The following HMGB1 variants were observed in gnomAD, a reference collection of about 807,000 sequenced individuals.
The protein encoded by HMGB1 is high mobility group protein B1.
For missense variants in HMGB1, 79 were observed against 253.5 expected (o/e 0.31, Z 4.67); for synonymous variants, 81 against 84.0 (o/e 0.96, Z 0.19).
intron 1 of HMGB1, among the ~76,000 whole-genome samples, chr13:30,573,655 T>C (rs991309272): frequency 2.6e-5 from 4 of 151,172 alleles, no homozygotes; most frequent in African/African-American, 7.3e-5. Flanking sequence ...ATTTTCTTTT[T>C]TTTTTTTTTT....
chr13:30,538,816 CCT>C (rs202163253), intron 1 of HMGB1, among the ~76,000 whole-genome samples: 2,335 of 71,838 alleles, frequency 0.033, 68 homozygotes, highest in African/African-American at 0.11. Context: ...TCTCTCTCCC[CCT>C]TTCTTTCTTT....
intron 1 of HMGB1, among the ~76,000 whole-genome samples, chr13:30,582,574 G>T (rs1043433516): frequency 6.6e-6 from 1 of 151,932 alleles, no homozygotes; most frequent in Non-Finnish European, 1.5e-5. Flanking sequence ...GGAGGTGGAG[G>T]TTGCAGTGAG....
Position 30,488,741 on chromosome 13 carries a change from A to C in HMGB1, c.-14-25047T>G, listed in dbSNP as rs1887422255. ...ACTATGTTGCCCAGGCTGGTTTTGA[A>C]CTCCTGGGCTCAAGAGATCCTCCTG... On this transcript the variant is annotated intron_variant, in intron 1 of 4. Transcript: ENST00000405805. Among the ~76,000 whole-genome samples, 3 of 150,000 alleles carry C rather than the reference A, an allele frequency of 2.0e-5. No individual in the cohort carries two copies. The South Asian group carries it at 6.3e-4, about 31-fold the overall frequency.
chr13:30,475,419 C>T (rs1887072030), intron 1 of HMGB1, among the ~76,000 whole-genome samples: 1 of 151,064 alleles, frequency 6.6e-6, no homozygotes, highest in African/African-American at 2.4e-5. Flanking sequence ...CTCCATGTTG[C>T]CTGGGCTGGT....
chr13:30,492,321 T>G (rs1887514490), intron 1 of HMGB1, among the ~76,000 whole-genome samples: 1 of 150,404 alleles, frequency 6.6e-6, no homozygotes, highest in Non-Finnish European at 1.5e-5. Context: ...CAGCCTCATC[T>G]CAAAAAAAAA....
At chr13:30,520,679 ATC>A (rs1888218344) in intron 1 of HMGB1, among the ~76,000 whole-genome samples, 1 of 152,206 alleles carries the variant, frequency 6.6e-6, no homozygotes, top group African/African-American at 2.4e-5. Flanking sequence ...CTCATTCAGA[ATC>A]TCAGCCTTGT....
intron 1 of HMGB1, among the ~76,000 whole-genome samples, chr13:30,477,728 C>G (rs1887130815): frequency 1.3e-5 from 2 of 152,220 alleles, no homozygotes; most frequent in East Asian, 3.8e-4. Flanking sequence ...CTGAGTGAGG[C>G]TCCCCACCTT....
upstream of HMGB1, among the ~76,000 whole-genome samples, chr13:30,468,482 G>C (rs1886850143): frequency 6.6e-6 from 1 of 152,104 alleles, no homozygotes; most frequent in South Asian, 2.1e-4. Context: ...TTGAACTCTT[G>C]ACCTCAGGTG....
chr13:30,526,998 C>T (rs966861527), intron 1 of HMGB1, among the ~76,000 whole-genome samples: 1 of 152,238 alleles, frequency 6.6e-6, no homozygotes, highest in Non-Finnish European at 1.5e-5. Flanking sequence ...GCTTTACATC[C>T]TGCAGCTACG....
chr13:30,491,975 T>C (rs1279450547), intron 1 of HMGB1, among the ~76,000 whole-genome samples: 1 of 151,774 alleles, frequency 6.6e-6, no homozygotes, highest in Non-Finnish European at 1.5e-5. Flanking sequence ...AAGACCATCC[T>C]GGCTAACAAG....
chr13:30,567,753 G>A lies in HMGB1; in HGVS notation c.-15+48918C>T, dbSNP rs562952632. On this transcript the variant is annotated intron_variant, in intron 1 of 4. Transcript: ENST00000405805. Reference sequence around the variant, plus strand: ...CTGAGGGGCTAACATACTGATAGCTGCTGAAATCTTCTACAGCTCTTTCTT... The same window carrying A: ...CTGAGGGGCTAACATACTGATAGCTACTGAAATCTTCTACAGCTCTTTCTT... Among the ~76,000 whole-genome samples, 6 of 152,278 alleles carry A rather than the reference G, an allele frequency of 3.9e-5. No individual in the cohort carries two copies. The South Asian group carries it at 1.2e-3, about 32-fold the overall frequency.
At chr13:30,510,603 A>C (rs942097379) in intron 1 of HMGB1, among the ~76,000 whole-genome samples, 3 of 151,866 alleles carry the variant, frequency 2.0e-5, no homozygotes, top group Non-Finnish European at 4.4e-5. Flanking sequence ...CTCATCACTC[A>C]GTTTGTATGA....
rs568042384 is a variant in HMGB1 at position 30,463,475 on chromosome 13, C to T, written c.150+56G>A. 5.8e-6 allele frequency: 9 copies of T among 1,558,560 alleles called. No individual in the cohort carries two copies. The African/African-American group carries it at 8.3e-5, about 14-fold the overall frequency. ...ATGCCAACTAGGCTTTTTTTTGCAT[C>T]CTCAATTGGAAACTGTCTTTTAATT... On this transcript the variant is annotated intron_variant, in intron 2 of 4. Coordinates refer to ENST00000341423, the MANE Select transcript of HMGB1 (RefSeq NM_002128.7).
At chr13:30,606,551 G>A (rs1388222461) in intron 1 of HMGB1, among the ~76,000 whole-genome samples, 1 of 152,088 alleles carries the variant, frequency 6.6e-6, no homozygotes, top group Non-Finnish European at 1.5e-5. Flanking sequence ...TAGTGCCTCC[G>A]AACACTTGAG....
chr13:30,593,976 A>AT (rs1871487005), intron 1 of HMGB1, among the ~76,000 whole-genome samples: 1 of 152,266 alleles, frequency 6.6e-6, no homozygotes, highest in South Asian at 2.1e-4. Flanking sequence ...ATAGTAGAGT[A>AT]TCAATGTTAA....
rs1555231118 is a variant in HMGB1, at chr13:30,456,769, G to GT, written c.*4587_*4588insA. The GT allele has an allele frequency of 9.7e-6, 1 of 102,808 alleles. No homozygotes were observed. Among genetic ancestry groups the GT allele is most frequent in the Non-Finnish European group, 2.0e-5 (1 of 50,582 alleles). 6.4% of individuals were successfully genotyped at this position (102,808 alleles called of 1,614,324 possible). On this transcript the variant is annotated 3_prime_UTR_variant, in exon 5 of 5. Coordinates refer to ENST00000341423, the MANE Select transcript of HMGB1 (RefSeq NM_002128.7). Reference sequence around the variant, plus strand: ...TAACAGCTTTTGTGGGCGGGGGGGGGGGGTGGTGGGGTGCAATTTATCAAC... The same window carrying GT: ...TAACAGCTTTTGTGGGCGGGGGGGGGTGGGTGGTGGGGTGCAATTTATCAAC...
intron 1 of HMGB1, chr13:30,465,190 C>A: frequency 1.1e-6 from 1 of 892,212 alleles, no homozygotes; most frequent in Non-Finnish European, 1.3e-6. Flanking sequence ...CCCCCCGCCG[C>A]CCGGCCGCCG....
chr13:30,499,912 T>C (rs1887696549), intron 1 of HMGB1, among the ~76,000 whole-genome samples: 3 of 152,230 alleles, frequency 2.0e-5, no homozygotes, highest in African/African-American at 7.2e-5. Context: ...TCTGAGTTCC[T>C]CGGGCCTGGG....
chr13:30,525,307 C>A (rs1465834807), intron 1 of HMGB1, among the ~76,000 whole-genome samples: 1 of 152,114 alleles, frequency 6.6e-6, no homozygotes, highest in Non-Finnish European at 1.5e-5. Flanking sequence ...TTAGAAATGG[C>A]CTTTAGGGAT....
Sources: allele counts gnomAD v4.1 joint callset (sites outside exome capture counted in the v4.1 genomes callset), GRCh38; gene constraint gnomAD v4.1.1; transcripts MANE v1.5; gene names NCBI Gene and HGNC (gene_info 2026-07-23, HGNC 2026-07-21).